KCTD8: variants seen among roughly 807,000 people sequenced by gnomAD.
The protein encoded by KCTD8 is potassium channel tetramerization domain containing 8, also known as BTB/POZ domain-containing protein KCTD8.
Under a neutral mutation model 31.5 loss-of-function variants are expected in KCTD8, and 27 were observed. The ratio of observed to expected loss-of-function variants is 0.86; its 90% CI spans 0.63 to 1.18. The LOEUF (loss-of-function observed/expected upper bound fraction) is 1.18, where lower values mean the gene tolerates loss of function less well. Among genes scored for constraint, KCTD8 ranks in the 50% most tolerant of loss-of-function variants. The pLI, the probability that KCTD8 is intolerant of heterozygous loss-of-function variation, is 0.00. For synonymous variants in KCTD8, 290 were observed against 280.0 expected, an observed-to-expected ratio of 1.04 and a Z score of -0.36; for missense variants, 658 against 647.7, an observed-to-expected ratio of 1.02 and a Z score of -0.17.
intron 1 of KCTD8, among the ~76,000 whole-genome samples, chr4:44,445,500 C>A (rs997499705): frequency 7.2e-5 from 11 of 152,028 alleles, no homozygotes; most frequent in Non-Finnish European, 1.3e-4. Context: ...GTGAAACATC[C>A]TGAATTTCAA....
chr4:44,356,668 TAC>T (rs1394817673), intron 1 of KCTD8, among the ~76,000 whole-genome samples: 1 of 152,076 alleles, frequency 6.6e-6, no homozygotes, highest in East Asian at 1.9e-4. Context: ...ACAGGGTTCC[TAC>T]CATGTTGGCC....
chr4:44,354,946 G>A (rs1719304227), intron 1 of KCTD8, among the ~76,000 whole-genome samples: 1 of 152,100 alleles, frequency 6.6e-6, no homozygotes, highest in East Asian at 1.9e-4. Context: ...TTAAAAAGTT[G>A]ATATTATTGT....
At chr4:44,359,354 T>C (rs974707098) in intron 1 of KCTD8, among the ~76,000 whole-genome samples, 3 of 152,276 alleles carry the variant, frequency 2.0e-5, no homozygotes, top group Non-Finnish European at 2.9e-5. Flanking sequence ...CTGATTGATA[T>C]TGTATTAGAA....
chr4:44,272,841 C>T (rs1234509427), intron 1 of KCTD8, among the ~76,000 whole-genome samples: 4 of 152,040 alleles, frequency 2.6e-5, no homozygotes, highest in African/African-American at 9.7e-5. Context: ...GCCACCAACA[C>T]AGAGAATTGA....
intron 1 of KCTD8, among the ~76,000 whole-genome samples, chr4:44,196,372 G>A (rs1387256616): frequency 6.6e-6 from 1 of 152,168 alleles, no homozygotes; most frequent in African/African-American, 2.4e-5. Context: ...TTTCTGGTAA[G>A]ACACGATATG....
chr4:44,412,085 T>C (rs1720974696), intron 1 of KCTD8, among the ~76,000 whole-genome samples: 1 of 152,138 alleles, frequency 6.6e-6, no homozygotes, highest in Non-Finnish European at 1.5e-5. Context: ...GAAAGCACTA[T>C]GTAATAACTG....
intron 1 of KCTD8, among the ~76,000 whole-genome samples, chr4:44,436,435 A>T (rs1721647732): frequency 6.6e-6 from 1 of 152,124 alleles, no homozygotes; most frequent in Admixed American, 6.6e-5. Context: ...ATTAACAGAA[A>T]AAAAGACATA....
At chr4:44,386,862 G>A (rs1023602514) in intron 1 of KCTD8, among the ~76,000 whole-genome samples, 11 of 151,484 alleles carry the variant, frequency 7.3e-5, no homozygotes, top group African/African-American at 2.7e-4. Context: ...TTCATCAACA[G>A]ATGAATGAAA....
intron 1 of KCTD8, among the ~76,000 whole-genome samples, chr4:44,437,934 T>C (rs73179348): frequency 6.6e-6 from 1 of 152,012 alleles, no homozygotes; most frequent in South Asian, 2.1e-4. Context: ...AAAACCACCA[T>C]ATAAATGATA....
intron 1 of KCTD8, among the ~76,000 whole-genome samples, chr4:44,221,232 C>G (rs1714796991): frequency 6.6e-6 from 1 of 152,044 alleles, no homozygotes; most frequent in African/African-American, 2.4e-5. Context: ...GCTTTGACAG[C>G]CCAGGATGGT....
chr4:44,351,993 T>C (rs1216035862), intron 1 of KCTD8, among the ~76,000 whole-genome samples: 1 of 152,024 alleles, frequency 6.6e-6, no homozygotes, highest in African/African-American at 2.4e-5. Flanking sequence ...TTATTGGTAA[T>C]GAATATTTGA....
chr4:44,356,673 T>C (rs923836692), intron 1 of KCTD8, among the ~76,000 whole-genome samples: 1 of 152,130 alleles, frequency 6.6e-6, no homozygotes, highest in African/African-American at 2.4e-5. Flanking sequence ...GTTCCTACCA[T>C]GTTGGCCAGG....
At chr4:44,415,724 A>G (rs574893198) in intron 1 of KCTD8, among the ~76,000 whole-genome samples, 1 of 152,306 alleles carries the variant, frequency 6.6e-6, no homozygotes, top group South Asian at 2.1e-4. Context: ...CCTGCAGGCA[A>G]ACAGAATGCA....
At chr4:44,358,231 C>T (rs1274912321) in intron 1 of KCTD8, among the ~76,000 whole-genome samples, 1 of 152,098 alleles carries the variant, frequency 6.6e-6, no homozygotes, top group African/African-American at 2.4e-5. Context: ...TGAACTCATC[C>T]TTTTTTATGG....
chr4:44,362,407 A>G (rs1719521719), intron 1 of KCTD8, among the ~76,000 whole-genome samples: 2 of 152,152 alleles, frequency 1.3e-5, no homozygotes, highest in Non-Finnish European at 2.9e-5. Flanking sequence ...AAAATGAAGC[A>G]TGTGTTTAAA....
At chr4:44,402,714 T>G (rs1720695425) in intron 1 of KCTD8, among the ~76,000 whole-genome samples, 1 of 152,218 alleles carries the variant, frequency 6.6e-6, no homozygotes, top group Non-Finnish European at 1.5e-5. Context: ...CCACATTGAC[T>G]CTGTCCCACC....
At chr4:44,199,104 T>C (rs1714040357) in intron 1 of KCTD8, among the ~76,000 whole-genome samples, 1 of 152,092 alleles carries the variant, frequency 6.6e-6, no homozygotes, top group African/African-American at 2.4e-5. Flanking sequence ...GACTTAACTA[T>C]CATAAAGATA....
At chr4:44,348,685 T>C (rs1158388083) in intron 1 of KCTD8, among the ~76,000 whole-genome samples, 1 of 152,120 alleles carries the variant, frequency 6.6e-6, no homozygotes, top group Non-Finnish European at 1.5e-5. Context: ...TCTACACACA[T>C]GATTCCAGAT....
At chr4:44,265,945 T>A (rs1309394772) in intron 1 of KCTD8, among the ~76,000 whole-genome samples, 1 of 151,954 alleles carries the variant, frequency 6.6e-6, no homozygotes, top group African/African-American at 2.4e-5. Context: ...ACAGGGAGAA[T>A]GGAACCAAGT....
Sources: gnomAD v4.1 joint callset for allele counts (sites outside exome capture counted in the v4.1 genomes callset) on GRCh38, gnomAD v4.1.1 for gene constraint, MANE v1.5 for transcripts, NCBI Gene and HGNC (gene_info 2026-07-23, HGNC 2026-07-21) for gene names.